The following SNAP47 variants were observed in gnomAD, a reference collection of about 807,000 sequenced individuals.
SNAP47 encodes synaptosome associated protein 47, also known as synaptosomal-associated protein 47.
SNAP47 carries 20 observed loss-of-function variants against 31.4 expected under a neutral mutation model. That is an observed-to-expected ratio of 0.64 (90% CI 0.45 to 0.93). SNAP47 has a LOEUF of 0.93. Ranked by LOEUF, SNAP47 falls within the 40% of genes least tolerant of loss-of-function variation. The pLI, the probability that SNAP47 is intolerant of heterozygous loss-of-function variation, is 0.00. For synonymous variants in SNAP47, 194 were observed against 213.4 expected (o/e 0.91, Z 0.79); for missense variants, 492 against 528.5 (o/e 0.93, Z 0.68).
At chr1:227,778,569 C>T (rs1247649295) in intron 4 of SNAP47, among the ~76,000 whole-genome samples, 1 of 152,216 alleles carries the variant, frequency 6.6e-6, no homozygotes, top group East Asian at 1.9e-4. Context: ...TGCAGCCCAG[C>T]CATCCCTTCC....
At chr1:227,734,960 T>G, upstream of SNAP47, 3 of 1,499,882 alleles carry the variant, frequency 2.0e-6, no homozygotes, top group Non-Finnish European at 2.7e-6. Context: ...CTCCCGGGCC[T>G]GGGTCCCGCC....
In SNAP47 at chr1:227,741,595, G is replaced by T. The variant is rs1176585596; in HGVS notation, c.-46+6096G>T. 6.6e-6 allele frequency among the ~76,000 whole-genome samples: 1 copy of T among 152,160 alleles called. No homozygotes were observed. Among genetic ancestry groups the T allele is most frequent in the Non-Finnish European group, 1.5e-5 (1 of 68,024 alleles). On this transcript the variant is annotated intron_variant, in intron 1 of 4. Coordinates refer to ENST00000617596, the MANE Select transcript of SNAP47 (RefSeq NM_053052.4). The surrounding 1 kb of genome is among the most constrained non-coding windows in gnomAD (Gnocchi z 4.2). ...GAGAGTGCAGTGCCTGGCATGGGAG[G>T]GCCGGAGAGGTCTGGGGGCTGAGAG...
upstream of SNAP47, chr1:227,732,689 A>T: frequency 6.2e-7 from 1 of 1,611,200 alleles, no homozygotes; most frequent in Non-Finnish European, 8.5e-7. Context: ...GGGCAGAGGG[A>T]AGAGGCCAGT....
At position 227,766,868 on chromosome 1, in the gene SNAP47, C is replaced by G. The variant is rs201698907; in HGVS notation, c.989-91C>G. 7.1e-5 allele frequency: 110 copies of G among 1,550,548 alleles called. 1 individual carries two copies. The East Asian group carries it at 2.4e-3, about 34-fold the overall frequency. On this transcript the variant is annotated intron_variant, in intron 3 of 4. Coordinates refer to ENST00000617596, the MANE Select transcript of SNAP47 (RefSeq NM_053052.4). ...CTGCGTGTGGTGGCGGGAGGAACAC[C>G]GCCTCAAAGACCACGCTCTGCCATC...
At chr1:227,732,682 CAGAGGGA>C (rs1660743682), upstream of SNAP47, 1 of 1,611,754 alleles carries the variant, frequency 6.2e-7, no homozygotes, top group Middle Eastern at 1.7e-4. Flanking sequence ...ATGACCTGGG[CAGAGGGA>C]AGAGGCCAGT....
chr1:227,745,340 C>T (rs1371958499), intron 1 of SNAP47, among the ~76,000 whole-genome samples: 1 of 152,168 alleles, frequency 6.6e-6, no homozygotes, highest in Non-Finnish European at 1.5e-5. Context: ...CAGCCATCTT[C>T]CTGACCTCCT....
upstream of SNAP47, chr1:227,730,281 C>G (rs113366904): frequency 6.7e-3 from 1,023 of 152,354 alleles, 2 homozygotes; most frequent in Non-Finnish European, 9.9e-3. Context: ...CTCACATGTG[C>G]TGACAGCATG....
At chr1:227,761,309 A>G (rs560085587) in intron 3 of SNAP47, among the ~76,000 whole-genome samples, 2 of 152,200 alleles carry the variant, frequency 1.3e-5, no homozygotes, top group Non-Finnish European at 2.9e-5. Flanking sequence ...ATAATAATAG[A>G]TTGAGTCCCA....
upstream of SNAP47, chr1:227,733,939 GT>G: frequency 3.1e-6 from 5 of 1,613,930 alleles, no homozygotes; most frequent in Non-Finnish European, 4.2e-6. Context: ...AGACAAAGCG[GT>G]AGTCATCCAC....
intron 4 of SNAP47, among the ~76,000 whole-genome samples, chr1:227,778,303 G>T (rs902347644): frequency 6.6e-6 from 1 of 152,268 alleles, no homozygotes; most frequent in Non-Finnish European, 1.5e-5. Flanking sequence ...GTCATGGAGA[G>T]GGCAGAGCTG....
At chr1:227,734,073 G>A, upstream of SNAP47, 9 of 1,598,942 alleles carry the variant, frequency 5.6e-6, no homozygotes, top group Non-Finnish European at 7.7e-6. Context: ...AGCACGTGAG[G>A]CACGAGGAGA....
upstream of SNAP47, chr1:227,733,431 G>A: frequency 6.3e-7 from 1 of 1,578,068 alleles, no homozygotes; most frequent in Non-Finnish European, 8.6e-7. Context: ...TGCACCTGGT[G>A]GTGCCAGCCA....
chr1:227,748,750 A>T (rs1662148179), intron 2 of SNAP47, among the ~76,000 whole-genome samples: 1 of 152,106 alleles, frequency 6.6e-6, no homozygotes, highest in Non-Finnish European at 1.5e-5. Flanking sequence ...CAGAGGGTGG[A>T]GTGAGGTCTG....
chr1:227,770,271 C>T (rs1030588791), intron 4 of SNAP47, among the ~76,000 whole-genome samples: 4 of 152,176 alleles, frequency 2.6e-5, no homozygotes, highest in African/African-American at 9.7e-5. Context: ...CCCAGGGAGC[C>T]GAGCCTGGTG....
intron 4 of SNAP47, among the ~76,000 whole-genome samples, chr1:227,771,722 A>G (rs1663824357): frequency 1.0e-5 from 1 of 99,146 alleles, no homozygotes; most frequent in Non-Finnish European, 1.9e-5. Context: ...ATGCCCCCCA[A>G]ACTCCCATTG....
chr1:227,769,764 T>C (rs1663672234), intron 4 of SNAP47, among the ~76,000 whole-genome samples: 1 of 152,178 alleles, frequency 6.6e-6, no homozygotes, highest in Non-Finnish European at 1.5e-5. Context: ...CCTGACTTGC[T>C]TCTGTTGTCC....
chr1:227,759,674 G>A (rs559970375), intron 3 of SNAP47, 189 bp downstream of exon 3: 8 of 693,454 alleles, frequency 1.2e-5, no homozygotes, highest in Non-Finnish European at 1.7e-5. Flanking sequence ...CTTGACATCT[G>A]TGAATCTGAA....
chr1:227,777,529 G>A (rs1408522962), intron 4 of SNAP47, among the ~76,000 whole-genome samples: 1 of 152,320 alleles, frequency 6.6e-6, no homozygotes, highest in Middle Eastern at 3.4e-3. Context: ...GCCGTAGGTA[G>A]TGTAACCTTC....
At chr1:227,764,606 A>T (rs748246211) in intron 3 of SNAP47, among the ~76,000 whole-genome samples, 8 of 116,772 alleles carry the variant, frequency 6.9e-5, no homozygotes, top group African/African-American at 2.4e-4. Context: ...CCGTCTCTAT[A>T]AAAAAATACA....
Sources: gnomAD v4.1 joint callset for allele counts (sites outside exome capture counted in the v4.1 genomes callset) on GRCh38, gnomAD v4.1.1 for gene constraint, Gnocchi (gnomAD v3.1) non-coding constraint, MANE v1.5 for transcripts, NCBI Gene and HGNC (gene_info 2026-07-23, HGNC 2026-07-21) for gene names.